Variants in HSD17B12 observed in about 807,000 individuals in gnomAD.
HSD17B12 encodes the protein hydroxysteroid 17-beta dehydrogenase 12, also known as very-long-chain 3-oxoacyl-CoA reductase.
Under a neutral mutation model 39.3 loss-of-function variants are expected in HSD17B12, and 32 were observed. The ratio of observed to expected loss-of-function variants is 0.81; its 90% CI spans 0.61 to 1.09. The LOEUF is 1.09. Among genes scored for constraint, HSD17B12 ranks in the 50% least tolerant of loss-of-function variants. HSD17B12 has a pLI of 0.00. For missense variants in HSD17B12, 342 were observed against 382.9 expected, an observed-to-expected ratio of 0.89 and a Z score of 0.89; for synonymous variants, 150 against 146.7, an observed-to-expected ratio of 1.02 and a Z score of -0.16.
At chr11:43,712,851 A>G (rs139124008) in intron 1 of HSD17B12, among the ~76,000 whole-genome samples, 4 of 152,320 alleles carry the variant, frequency 2.6e-5, no homozygotes, top group Non-Finnish European at 4.4e-5. Context: ...CCTTCATTGG[A>G]GTATTAGTCA....
At chr11:43,572,145 G>A in the HSD17B12 span, among the ~76,000 whole-genome samples, 5 of 152,162 alleles carry the variant, frequency 3.3e-5, no homozygotes, top group Admixed American at 2.6e-4. Context: ...CTCGGTGTGA[G>A]TGGAAGCATG....
chr11:43,581,243 C>G, the HSD17B12 span, among the ~76,000 whole-genome samples: 1 of 152,038 alleles, frequency 6.6e-6, no homozygotes, highest in East Asian at 1.9e-4. The surrounding 1 kb of genome is among the most constrained non-coding windows in gnomAD (Gnocchi z 4.9). Context: ...AATGGAGACA[C>G]GAGTCCAGGG....
chr11:43,757,667 A>AAAC (rs869271362), intron 3 of HSD17B12, among the ~76,000 whole-genome samples: 1 of 143,296 alleles, frequency 7.0e-6, no homozygotes, highest in African/African-American at 2.6e-5. Flanking sequence ...AAAAAAAAAA[A>AAAC]CAAATAGGTA....
At chr11:43,565,071 T>TA in the HSD17B12 span, among the ~76,000 whole-genome samples, 2 of 152,078 alleles carry the variant, frequency 1.3e-5, no homozygotes, top group African/African-American at 4.8e-5. Flanking sequence ...GGCTAGTTTT[T>TA]ATATTTTTAG....
chr11:43,840,109 T>C, intron 9 of HSD17B12, 45 bp downstream of exon 9: 3 of 1,511,992 alleles, frequency 2.0e-6, no homozygotes, highest in Non-Finnish European at 2.7e-6. Context: ...TTTTGTGTGG[T>C]TTCCAGAGCA....
chr11:43,675,992 ACC>A (rs1949690919), upstream of HSD17B12, among the ~76,000 whole-genome samples: 1 of 152,020 alleles, frequency 6.6e-6, no homozygotes, highest in Non-Finnish European at 1.5e-5. Flanking sequence ...GGCACCTGTA[ACC>A]CCAGCTAATT....
the HSD17B12 span, among the ~76,000 whole-genome samples, chr11:43,613,723 A>G: frequency 1.0e-3 from 152 of 151,770 alleles, no homozygotes; most frequent in African/African-American, 3.4e-3. Context: ...CTAGAATTCA[A>G]TGGCGTGATC....
chr11:43,598,056 T>C, the HSD17B12 span, among the ~76,000 whole-genome samples: 3 of 152,140 alleles, frequency 2.0e-5, no homozygotes, highest in Admixed American at 6.5e-5. Context: ...CTCAGTTCCC[T>C]CTAGAACTCT....
chr11:43,775,856 G>A (rs1285504055), intron 3 of HSD17B12, among the ~76,000 whole-genome samples: 3 of 150,630 alleles, frequency 2.0e-5, no homozygotes, highest in Non-Finnish European at 4.4e-5. Flanking sequence ...AGAATATGCG[G>A]TGTTTGGTTT....
chr11:43,718,681 G>A (rs1489755051), intron 1 of HSD17B12: 17 of 790,274 alleles, frequency 2.2e-5, no homozygotes, highest in Non-Finnish European at 3.2e-5. Context: ...ACAAGATGGC[G>A]CTGAAAGCAA....
At chr11:43,630,598 G>C in the HSD17B12 span, among the ~76,000 whole-genome samples, 1 of 152,034 alleles carries the variant, frequency 6.6e-6, no homozygotes, top group African/African-American at 2.4e-5. Context: ...ATTATACTGT[G>C]GAGGAAGGTT....
chr11:43,848,295 G>A (rs117226569), intron 9 of HSD17B12: 2,566 of 152,250 alleles, frequency 0.017, 33 homozygotes, highest in Non-Finnish European at 0.027. Context: ...GCTGAATCTC[G>A]ATTTTTTCAG....
intron 6 of HSD17B12, among the ~76,000 whole-genome samples, chr11:43,826,707 C>T (rs1024929934): frequency 5.0e-4 from 76 of 152,158 alleles, no homozygotes; most frequent in African/African-American, 1.8e-3. Context: ...TTAAGCTTTC[C>T]ACCCACTGTG....
chr11:43,700,523 T>TAC (rs1295799551), intron 1 of HSD17B12, among the ~76,000 whole-genome samples: 1 of 152,094 alleles, frequency 6.6e-6, no homozygotes, highest in African/African-American at 2.4e-5. Flanking sequence ...ACCATCCTTC[T>TAC]ACTGTCTGTC....
At chr11:43,816,450 T>G in intron 6 of HSD17B12, 59 bp downstream of exon 6, 2 of 1,412,716 alleles carry the variant, frequency 1.4e-6, no homozygotes, top group Non-Finnish European at 1.9e-6. Context: ...TCAAAAACAC[T>G]GACATAATCA....
the HSD17B12 span, among the ~76,000 whole-genome samples, chr11:43,656,422 T>A: frequency 6.6e-6 from 1 of 152,198 alleles, no homozygotes; most frequent in Non-Finnish European, 1.5e-5. Context: ...CTGATCTTAG[T>A]TATTTCTTGC....
the HSD17B12 span, among the ~76,000 whole-genome samples, chr11:43,595,568 T>C: frequency 1.3e-5 from 2 of 152,246 alleles, no homozygotes; most frequent in East Asian, 3.8e-4. Flanking sequence ...TGTTACTCAT[T>C]AGATTCTATA....
the HSD17B12 span, chr11:43,581,361 A>G: frequency 4.1e-6 from 2 of 485,022 alleles, no homozygotes; most frequent in Non-Finnish European, 8.6e-6. This position sits in a 1 kb window ranked among gnomAD's most constrained non-coding sequence, Gnocchi z 4.9. Flanking sequence ...CCTGGGCTGA[A>G]GGCGGCGGCG....
intron 4 of HSD17B12, among the ~76,000 whole-genome samples, chr11:43,801,158 C>T (rs999374946): frequency 1.3e-5 from 2 of 151,702 alleles, no homozygotes; most frequent in African/African-American, 4.8e-5. Flanking sequence ...AAAAAAAGAG[C>T]TATACTGCAT....
Sources: gnomAD v4.1 joint callset for allele counts (sites outside exome capture counted in the v4.1 genomes callset) on GRCh38, gnomAD v4.1.1 for gene constraint, Gnocchi (gnomAD v3.1) non-coding constraint, MANE v1.5 for transcripts, NCBI Gene and HGNC (gene_info 2026-07-23, HGNC 2026-07-21) for gene names.